FSTL5: variants seen among roughly 807,000 people sequenced by gnomAD.
FSTL5 encodes follistatin-related protein 5.
FSTL5 carries 62 observed loss-of-function variants against 89.1 expected under a neutral mutation model. The observed-to-expected ratio is 0.70, with a 90% confidence interval of 0.57 to 0.86. FSTL5 has a LOEUF of 0.86. Among genes scored for constraint, FSTL5 ranks in the 40% least tolerant of loss-of-function variants. The probability of loss-of-function intolerance (pLI) is 0.00; values close to 1 mark genes in which losing one functional copy is unlikely to be tolerated. For synonymous variants in FSTL5, 383 were observed against 346.2 expected (o/e 1.11, Z -1.18); for missense variants, 1,057 against 1,001.6 (o/e 1.06, Z -0.75).
intron 3 of FSTL5, among the ~76,000 whole-genome samples, chr4:161,957,064 C>A (rs1735045022): frequency 6.6e-6 from 1 of 151,792 alleles, no homozygotes; most frequent in African/African-American, 2.4e-5. Context: ...GTAAAATATG[C>A]AGATGCTAAC....
chr4:161,386,248 A>G lies in FSTL5; in HGVS notation c.2043T>C (p.Gly681=), dbSNP rs1730635385. Residue 681 remains glycine (G), a synonymous_variant, in exon 16 of 16, where the codon GGT becomes GGC. Transcript: ENST00000306100. ...GAVSPQVMVD[G]VTDSVIGFNS... is the part of the protein sequence containing the mutation. Reference sequence around the variant, plus strand: ...TGAACCCAATGACTGAGTCAGTTACACCGTCCACCATGACCTGTGGGGAAA... The same window carrying G: ...TGAACCCAATGACTGAGTCAGTTACGCCGTCCACCATGACCTGTGGGGAAA... The G allele has an allele frequency of 3.1e-6, 5 of 1,613,872 alleles. No homozygotes were observed. In the East Asian group the frequency reaches 6.7e-5, roughly 22 times the overall value.
chr4:161,524,871 C>T (rs989144247), intron 10 of FSTL5, among the ~76,000 whole-genome samples: 1 of 151,686 alleles, frequency 6.6e-6, no homozygotes, highest in African/African-American at 2.4e-5. Context: ...GGCAGGAGAA[C>T]CTCTTGAACC....
chr4:161,866,434 C>T (rs1732091048), intron 4 of FSTL5, among the ~76,000 whole-genome samples: 1 of 137,100 alleles, frequency 7.3e-6, no homozygotes, highest in South Asian at 2.3e-4. Flanking sequence ...TTAAATTTTT[C>T]ATTTGGGTGT....
At chr4:161,833,347 T>G (rs1470692075) in intron 4 of FSTL5, among the ~76,000 whole-genome samples, 4 of 151,512 alleles carry the variant, frequency 2.6e-5, no homozygotes, top group Non-Finnish European at 5.9e-5. Flanking sequence ...CTGAAAAAAA[T>G]GTATATTCTG....
At chr4:161,390,587 GC>G (rs918592989) in intron 15 of FSTL5, among the ~76,000 whole-genome samples, 13 of 151,962 alleles carry the variant, frequency 8.6e-5, no homozygotes, top group African/African-American at 2.9e-4. Flanking sequence ...TGTCACCTGA[GC>G]ACTTGCCACG....
At chr4:161,899,791 C>G (rs1733292388) in intron 4 of FSTL5, among the ~76,000 whole-genome samples, 1 of 152,232 alleles carries the variant, frequency 6.6e-6, no homozygotes, top group East Asian at 1.9e-4. Flanking sequence ...GAAGAAAACA[C>G]CAAAGAAAAC....
At chr4:161,725,951 C>T (rs772151785) in intron 6 of FSTL5, among the ~76,000 whole-genome samples, 1 of 152,128 alleles carries the variant, frequency 6.6e-6, no homozygotes, top group Non-Finnish European at 1.5e-5. Flanking sequence ...CCAAAAACCA[C>T]AGTTACTTTT....
intron 6 of FSTL5, among the ~76,000 whole-genome samples, chr4:161,705,521 A>G (rs1482470767): frequency 6.6e-6 from 1 of 152,076 alleles, no homozygotes; most frequent in Admixed American, 6.6e-5. Flanking sequence ...GAGAATAAGC[A>G]CAATATTAGA....
chr4:161,392,477 G>A (rs1455648069), intron 15 of FSTL5, among the ~76,000 whole-genome samples: 3 of 152,036 alleles, frequency 2.0e-5, no homozygotes, highest in African/African-American at 7.2e-5. Flanking sequence ...CTCCCACCTT[G>A]GCCTCCCAGT....
At chr4:161,940,191 A>C (rs961969189) in intron 3 of FSTL5, among the ~76,000 whole-genome samples, 8 of 151,848 alleles carry the variant, frequency 5.3e-5, no homozygotes, top group African/African-American at 1.9e-4. Flanking sequence ...TAGCAAGCAG[A>C]AAACATAATT....
At chr4:161,455,158 A>C in intron 14 of FSTL5, 30 bp from the exon 15 acceptor site, 1 of 1,541,798 alleles carries the variant, frequency 6.5e-7, no homozygotes. Flanking sequence ...GTTAGACCTC[A>C]ACAATGCAGT....
At chr4:161,653,682 G>A (rs1057283801) in intron 7 of FSTL5, among the ~76,000 whole-genome samples, 4 of 152,046 alleles carry the variant, frequency 2.6e-5, no homozygotes, top group Non-Finnish European at 5.9e-5. Flanking sequence ...GCATAAATAA[G>A]TATCAAATGA....
At chr4:161,575,925 G>A (rs958378763) in intron 8 of FSTL5, among the ~76,000 whole-genome samples, 3 of 152,110 alleles carry the variant, frequency 2.0e-5, no homozygotes, top group Non-Finnish European at 2.9e-5. Flanking sequence ...AAACCCCATT[G>A]ACTCAGCCCC....
At position 161,385,910 on chromosome 4, in the gene FSTL5, T is replaced by A; in HGVS notation, c.2381A>T (p.Asn794Ile). The change falls in exon 16 of 16, where the codon AAC (asparagine) becomes ATC (isoleucine). Residue 794 changes from asparagine (N) to isoleucine (I), a missense_variant. Transcript: ENST00000306100. ...GTCCTGGATTTGCCTGTTTTTCCGG[T>A]TCCAAGGCCATTCTTCTGCCTTGAG... ...EPLKAEEWPWNRKNRQIQDSG... is the reference protein window; with the variant it reads ...EPLKAEEWPWIRKNRQIQDSG... The A allele has an allele frequency of 6.2e-7, 1 of 1,613,960 alleles. No individual in the cohort carries two copies. Among genetic ancestry groups the A allele is most frequent in the Admixed American group, 1.7e-5 (1 of 59,994 alleles).
chr4:161,835,498 C>T (rs1441026656), intron 4 of FSTL5, among the ~76,000 whole-genome samples: 3 of 151,922 alleles, frequency 2.0e-5, no homozygotes, highest in Admixed American at 2.0e-4. Flanking sequence ...AAAGAAACTA[C>T]CATCAGAGTG....
At chr4:161,692,744 T>C (rs1396056916) in intron 6 of FSTL5, among the ~76,000 whole-genome samples, 1 of 152,100 alleles carries the variant, frequency 6.6e-6, no homozygotes, top group East Asian at 1.9e-4. Context: ...TTTATTTTTG[T>C]GACAGAGTCT....
intron 7 of FSTL5, among the ~76,000 whole-genome samples, chr4:161,651,636 T>A: frequency 6.6e-6 from 1 of 152,082 alleles, no homozygotes; most frequent in East Asian, 1.9e-4. Flanking sequence ...ATTTAAAGTG[T>A]TTTTTCTCAT....
At chr4:161,435,217 A>C (rs1433808549) in intron 15 of FSTL5, among the ~76,000 whole-genome samples, 1 of 152,142 alleles carries the variant, frequency 6.6e-6, no homozygotes, top group East Asian at 1.9e-4. Context: ...ATGTACAAAT[A>C]CACAATGAAG....
At chr4:161,749,689 G>A (rs1396977804) in intron 6 of FSTL5, among the ~76,000 whole-genome samples, 2 of 152,050 alleles carry the variant, frequency 1.3e-5, no homozygotes, top group Non-Finnish European at 2.9e-5. Context: ...CTACTCGGGA[G>A]GCTGAGGCAG....
Sources: gnomAD v4.1 joint callset for allele counts (sites outside exome capture counted in the v4.1 genomes callset) on GRCh38, gnomAD v4.1.1 for gene constraint, MANE v1.5 for transcripts, NCBI Gene and HGNC (gene_info 2026-07-23, HGNC 2026-07-21) for gene names.